Variants in LONP1 observed in about 807,000 individuals in gnomAD.
The protein encoded by LONP1 is lon protease homolog, mitochondrial.
In LONP1, 31 loss-of-function variants were observed where a neutral mutation model predicts 98.5. The observed-to-expected ratio is 0.31, with a 90% CI of 0.24 to 0.42. LONP1 has a LOEUF of 0.42. Among genes scored for constraint, LONP1 ranks in the 20% least tolerant of loss-of-function variants. The probability of loss-of-function intolerance (pLI) is 1.00; values close to 1 mark genes in which losing one functional copy is unlikely to be tolerated. For synonymous variants in LONP1, 781 were observed against 594.7 expected (o/e 1.31, Z -4.56); for missense variants, 1,336 against 1,350.6 (o/e 0.99, Z 0.17).
rs373005304 is a variant in LONP1 at position 5,718,394 on chromosome 19, C to T, written c.429+1310G>A. On this transcript the variant is annotated intron_variant, in intron 1 of 17. Transcript: ENST00000360614. ...TCAGGGGGCTGAGGCAGGAGAATCACTTGAACCCGGGAGGCAGAGGTTGCA... is the reference window on the plus strand; with the variant it reads ...TCAGGGGGCTGAGGCAGGAGAATCATTTGAACCCGGGAGGCAGAGGTTGCA... Among the ~76,000 whole-genome samples, 3 of 151,654 alleles carry T rather than the reference C, an allele frequency of 2.0e-5. No individual in the cohort carries two copies. The South Asian group carries it at 6.2e-4, about 31-fold the overall frequency.
Position 5,705,932 on chromosome 19 carries a change from T to C in LONP1, c.1207A>G (p.Ile403Val), listed in dbSNP as rs772887168. 3 of 1,613,944 alleles carry C rather than the reference T, an allele frequency of 1.9e-6. No individual in the cohort carries two copies. In the African/African-American group the frequency reaches 4.0e-5, roughly 22 times the overall value. Reference protein sequence around the residue: ...KYLLQEQLKIIKKELGLEKDD... With the variant: ...KYLLQEQLKIVKKELGLEKDD... ...TTCTCCAGGCCCAGCTCCTTCTTGA[T>C]GATCTTTAGCTGCTCCTGCAGCAGG... is the stretch of plus-strand genomic sequence containing the variant. Residue 403 changes from isoleucine (I) to valine (V), a missense_variant, in exon 8 of 18, where the codon ATC (isoleucine) becomes GTC (valine). By Grantham distance (29) the Ile-to-Val change is conservative. Around this residue, in one of 5 missense-constraint regions of LONP1, gnomAD observed 219 missense variants for 241.0 expected, o/e 0.91. Transcript: ENST00000360614.
In LONP1 at chr19:5,711,828, G is replaced by A. The variant is rs201278775; in HGVS notation, c.813C>T (p.Leu271=). 1.2e-6 allele frequency: 2 copies of A among 1,612,712 alleles called. No homozygotes were observed. The highest frequency in any genetic ancestry group is 4.5e-5 in the East Asian group (2 of 44,850). The change falls in exon 4 of 18, where the codon CTC becomes CTT. Residue 271 remains leucine, a synonymous_variant. Transcript: ENST00000360614. ...GGACAACGTTCTCTACCTCCACCATGAGCACCTCAGCCGGGAGCTCAGGGG... is the reference window on the plus strand; with the variant it reads ...GGACAACGTTCTCTACCTCCACCATAAGCACCTCAGCCGGGAGCTCAGGGG... ...EPTPELPAEV[L]MVEVENVVHE...
At chr19:5,707,560 A>C in intron 6 of LONP1, 137 bp downstream of exon 6, 1 of 854,198 alleles carries the variant, frequency 1.2e-6, no homozygotes, top group Non-Finnish European at 1.9e-6. Context: ...CTGGGTGTGG[A>C]TGGTGCACGG....
chr19:5,700,249 G>A (rs1001171269), intron 9 of LONP1, among the ~76,000 whole-genome samples: 2 of 152,192 alleles, frequency 1.3e-5, no homozygotes, highest in East Asian at 1.9e-4. Context: ...AAGTAGCTGG[G>A]ATTACAGGCA....
chr19:5,704,448 G>A (rs1464127880), intron 8 of LONP1, among the ~76,000 whole-genome samples: 2 of 152,310 alleles, frequency 1.3e-5, no homozygotes, highest in East Asian at 1.9e-4. Flanking sequence ...AGACTCCGGC[G>A]ACCGTGACAT....
chr19:5,711,685 T>C (rs1407056746), intron 4 of LONP1, 86 bp downstream of exon 4: 6 of 1,102,868 alleles, frequency 5.4e-6, no homozygotes, highest in East Asian at 4.7e-5. Flanking sequence ...GGGTGGGAGA[T>C]GACTCTTCGG....
chr19:5,719,806 T>A lies in LONP1; in HGVS notation c.327A>T (p.Ile109=). Residue 109 remains isoleucine, a synonymous_variant, in exon 1 of 18, where the codon ATA becomes ATT. Coordinates refer to ENST00000360614, the MANE Select transcript of LONP1 (RefSeq NM_004793.4). Reference sequence around the variant, plus strand: ...GGATCGTCATGGGCGTGAGCGCCGTTATGACCGGGCCTTCCCCGGCGCCCG... The same window carrying A: ...GGATCGTCATGGGCGTGAGCGCCGTAATGACCGGGCCTTCCCCGGCGCCCG... ...GSAGAGEGPV[I]TALTPMTIPD... The A allele has an allele frequency of 6.2e-7, 1 of 1,612,408 alleles. No individual in the cohort carries two copies. The highest frequency in any genetic ancestry group is 8.5e-7 in the Non-Finnish European group (1 of 1,179,846).
chr19:5,696,816 C>T (rs2054939931), intron 10 of LONP1, 59 bp from the exon 11 acceptor site: 1 of 1,182,270 alleles, frequency 8.5e-7, no homozygotes, highest in Admixed American at 1.8e-5. Context: ...CACAACGACA[C>T]CATGCACCCT....
intron 7 of LONP1, among the ~76,000 whole-genome samples, chr19:5,706,800 T>C (rs570992460): frequency 5.8e-4 from 88 of 152,340 alleles, no homozygotes; most frequent in African/African-American, 2.0e-3. Flanking sequence ...CTTCCCTTAA[T>C]GTTGGACGGT....
rs3082272 is a variant in LONP1, at chr19:5,716,259, C to CATATATATATATATAT, written c.430-2004_430-1989dup. ...TATTATATAATAAAGTTAAAATATA[C>CATATATATATATATAT]ATATATATATATATATATATATATA... On this transcript the variant is annotated intron_variant, in intron 1 of 17. Coordinates refer to ENST00000360614, the MANE Select transcript of LONP1 (RefSeq NM_004793.4). Among the ~76,000 whole-genome samples, 495 of 77,078 alleles carry CATATATATATATATAT rather than the reference C, an allele frequency of 6.4e-3. 45 individuals carry two copies. The highest frequency in any genetic ancestry group is 7.6e-3 in the Non-Finnish European group (325 of 42,526). The allele number at this position is 77,078 out of a possible 152,430, so 50.6% of individuals were successfully genotyped here. A position where few individuals can be genotyped will look rare whatever the true frequency, so the allele number is the denominator to read the frequency against.
chr19:5,695,913 C>A (rs868858897), intron 13 of LONP1, 141 bp downstream of exon 13: 1 of 687,628 alleles, frequency 1.5e-6, no homozygotes, highest in Non-Finnish European at 2.4e-6. Flanking sequence ...GTGTGTCTCT[C>A]ACGGCCCCAT....
chr19:5,702,332 C>G (rs1323055501), intron 8 of LONP1, among the ~76,000 whole-genome samples: 1 of 149,674 alleles, frequency 6.7e-6, no homozygotes, highest in Non-Finnish European at 1.5e-5. Context: ...GCCCAGCCAG[C>G]CGCCCCGTCC....
chr19:5,701,447 G>C (rs1234845043), intron 8 of LONP1, among the ~76,000 whole-genome samples: 2 of 152,160 alleles, frequency 1.3e-5, no homozygotes, highest in Non-Finnish European at 2.9e-5. Context: ...TCTCCTGCCT[G>C]AGCCTGCCGA....
chr19:5,696,641 A>AG (rs746194260), intron 11 of LONP1, 29 bp downstream of exon 11: 441 of 1,603,644 alleles, frequency 2.7e-4, no homozygotes, highest in Non-Finnish European at 3.6e-4. Flanking sequence ...TTGCCGGGTT[A>AG]GGGGGTCTCC....
chr19:5,720,372 A>G (rs72979079), upstream of LONP1: 8 of 627,580 alleles, frequency 1.3e-5, no homozygotes, highest in African/African-American at 1.2e-4. Flanking sequence ...GGCTGTGAGC[A>G]GGCGCCAGCG....
chr19:5,716,649 G>C (rs2055329094), intron 1 of LONP1, among the ~76,000 whole-genome samples: 2 of 151,574 alleles, frequency 1.3e-5, no homozygotes. Context: ...TTTGTTTAGA[G>C]ACAGAACGCT....
chr19:5,693,979 C>T (rs576474469), intron 15 of LONP1, among the ~76,000 whole-genome samples: 1 of 152,302 alleles, frequency 6.6e-6, no homozygotes, highest in South Asian at 2.1e-4. Flanking sequence ...AGGGCAGCCC[C>T]CAGCAGCTGC....
rs1007181945 is a variant in LONP1 at position 5,693,878 on chromosome 19, G to A, written c.2321-109C>T. ...GCTCCTGCCCCAGTTTAGCATCTTG[G>A]TGCCCCTGGGCAGGGGTTGGTGTCC... On this transcript the variant is annotated intron_variant, in intron 15 of 17. Coordinates refer to ENST00000360614, the MANE Select transcript of LONP1 (RefSeq NM_004793.4). 7.4e-5 allele frequency: 67 copies of A among 902,316 alleles called. 1 individual carries two copies. In the East Asian group the frequency reaches 1.7e-3, roughly 23 times the overall value. The allele number at this position is 902,316 out of a possible 1,614,324, so 55.9% of individuals were successfully genotyped here.
rs754721362 is a variant in LONP1, at chr19:5,691,918, G to A, written c.*114C>T. The A allele has an allele frequency of 6.5e-6, 8 of 1,228,346 alleles. No homozygotes were observed. Among genetic ancestry groups the A allele is most frequent in the African/African-American group, 1.5e-5 (1 of 67,098 alleles). 76.1% of individuals were successfully genotyped at this position (1,228,346 alleles called of 1,614,324 possible). The stretch of plus-strand genomic sequence containing the variant: ...GAGGTCCCTGGGATCTGGGTCACTG[G>A]ACCGAGCTGCTCGCTCGGTGGCTCC... On this transcript the variant is annotated 3_prime_UTR_variant, in exon 18 of 18. Transcript: ENST00000360614.
Sources: allele counts gnomAD v4.1 joint callset (sites outside exome capture counted in the v4.1 genomes callset), GRCh38; gene constraint gnomAD v4.1.1; regional missense constraint gnomAD v4.1.1; transcripts MANE v1.5; gene names NCBI Gene and HGNC (gene_info 2026-07-23, HGNC 2026-07-21).